Variants in CACHD1 observed in about 807,000 individuals in gnomAD.
CACHD1 encodes VWFA and cache domain-containing protein 1.
CACHD1 carries 71 observed loss-of-function variants against 138.7 expected under a neutral mutation model. That is an observed-to-expected ratio of 0.51 (90% CI 0.42 to 0.62). The LOEUF (loss-of-function observed/expected upper bound fraction) is 0.62, where lower values mean the gene tolerates loss of function less well. CACHD1 is among the 20% of genes least tolerant of loss of function. The pLI is 0.00. For missense variants in CACHD1, 1,389 were observed against 1,625.3 expected (o/e 0.85, Z 2.50); for synonymous variants, 578 against 591.5 (o/e 0.98, Z 0.33).
At chr1:64,659,184 G>A (rs1649361605) in intron 13 of CACHD1, among the ~76,000 whole-genome samples, 1 of 152,158 alleles carries the variant, frequency 6.6e-6, no homozygotes, top group Non-Finnish European at 1.5e-5. Flanking sequence ...TTTAAGTTCA[G>A]CCTGGTCTTC....
intron 2 of CACHD1, among the ~76,000 whole-genome samples, chr1:64,567,854 G>T (rs1405893826): frequency 1.3e-5 from 2 of 152,204 alleles, no homozygotes; most frequent in African/African-American, 4.8e-5. Context: ...GCTGCTAAAT[G>T]AGGAAAAGCA....
intron 1 of CACHD1, among the ~76,000 whole-genome samples, chr1:64,495,645 G>C (rs1038993910): frequency 3.3e-5 from 5 of 152,034 alleles, no homozygotes; most frequent in Non-Finnish European, 5.9e-5. Context: ...TGGGCAGAAA[G>C]AGAGCAATAC....
chr1:64,531,666 T>A (rs908647605), intron 1 of CACHD1, among the ~76,000 whole-genome samples: 2 of 152,210 alleles, frequency 1.3e-5, no homozygotes, highest in Non-Finnish European at 2.9e-5. Context: ...TACAGATGTG[T>A]TTAGACTGAT....
chr1:64,579,639 C>G (rs1351611121), intron 2 of CACHD1, among the ~76,000 whole-genome samples: 1 of 151,922 alleles, frequency 6.6e-6, no homozygotes, highest in Non-Finnish European at 1.5e-5. Flanking sequence ...ATGGAGCTTC[C>G]AGAAATACAT....
chr1:64,637,490 A>C (rs1648565586), intron 7 of CACHD1, among the ~76,000 whole-genome samples: 1 of 152,184 alleles, frequency 6.6e-6, no homozygotes, highest in East Asian at 1.9e-4. Context: ...CAGCTTTAAA[A>C]CTGTGAATAG....
intron 2 of CACHD1, among the ~76,000 whole-genome samples, chr1:64,555,155 A>T (rs550953569): frequency 6.6e-6 from 1 of 151,894 alleles, no homozygotes; most frequent in East Asian, 1.9e-4. Context: ...TGCCCAGTTC[A>T]TTTTTGTATT....
At chr1:64,571,563 A>G (rs1210961440) in intron 2 of CACHD1, among the ~76,000 whole-genome samples, 1 of 152,216 alleles carries the variant, frequency 6.6e-6, no homozygotes. Flanking sequence ...GTACTTGGCC[A>G]GTGTGAGGGT....
At chr1:64,607,960 T>G (rs1647391342) in intron 4 of CACHD1, among the ~76,000 whole-genome samples, 1 of 152,192 alleles carries the variant, frequency 6.6e-6, no homozygotes, top group African/African-American at 2.4e-5. Context: ...TGCTGATGTA[T>G]TTCAGTGTTT....
At chr1:64,476,213 G>A (rs1022275162) in intron 1 of CACHD1, among the ~76,000 whole-genome samples, 6 of 152,178 alleles carry the variant, frequency 3.9e-5, no homozygotes, top group East Asian at 1.9e-4. Context: ...AAGGTAGCTC[G>A]TGTATCTTGA....
At chr1:64,636,618 C>T (rs988632630) in intron 7 of CACHD1, among the ~76,000 whole-genome samples, 10 of 152,150 alleles carry the variant, frequency 6.6e-5, no homozygotes, top group African/African-American at 2.4e-4. Context: ...AAACTCATTT[C>T]ATTTACTTCT....
intron 2 of CACHD1, among the ~76,000 whole-genome samples, chr1:64,562,345 C>T (rs1360353590): frequency 6.3e-5 from 3 of 47,684 alleles, no homozygotes; most frequent in Non-Finnish European, 1.6e-4. Flanking sequence ...TTTTTCTTCT[C>T]TTTTTAAATT....
chr1:64,663,730 TC>T lies in CACHD1; in HGVS notation c.1989del (p.Ser664ProfsTer15). 2.5e-6 allele frequency: 4 copies of T among 1,614,030 alleles called. No homozygotes were observed. Among genetic ancestry groups the T allele is most frequent in the Non-Finnish European group, 3.4e-6 (4 of 1,179,992 alleles). ...PTIMLSAGSFSSPYEHLSQPE... is the reference protein window; with the variant it reads ...PTIMLSAGSFXSPYEHLSQPE... ...CATCATGCTGTCTGCTGGCAGCTTT[TC>T]CTCCCCCTATGAGCACCTCAGCCAG... On this transcript the variant is annotated frameshift_variant, in exon 14 of 27. Transcript: ENST00000651257. LOFTEE classifies it high-confidence loss of function.
intron 7 of CACHD1, among the ~76,000 whole-genome samples, chr1:64,638,289 G>T (rs1461305594): frequency 2.0e-5 from 3 of 152,134 alleles, no homozygotes; most frequent in South Asian, 2.1e-4. Flanking sequence ...GCTGTTTTAG[G>T]TGCCACATGT....
intron 15 of CACHD1, 64 bp downstream of exon 15, chr1:64,664,743 A>G: frequency 6.8e-7 from 1 of 1,466,806 alleles, no homozygotes; most frequent in Non-Finnish European, 9.3e-7. Context: ...CATGGTAAGT[A>G]CATACAATAA....
intron 2 of CACHD1, among the ~76,000 whole-genome samples, chr1:64,562,557 G>A (rs1007154289): frequency 6.8e-6 from 1 of 147,426 alleles, no homozygotes; most frequent in Non-Finnish European, 1.5e-5. Context: ...TTACAGGCAT[G>A]TGCCACCACA....
chr1:64,642,508 T>G (rs901534023), intron 8 of CACHD1, among the ~76,000 whole-genome samples: 2 of 152,190 alleles, frequency 1.3e-5, no homozygotes, highest in African/African-American at 2.4e-5. Flanking sequence ...AGTAAACAAC[T>G]TATTAAAATG....
chr1:64,686,435 T>C (rs1001588767), intron 26 of CACHD1, among the ~76,000 whole-genome samples: 1 of 152,230 alleles, frequency 6.6e-6, no homozygotes, highest in African/African-American at 2.4e-5. Context: ...TAATTTTAAT[T>C]GTTGTATCTT....
At chr1:64,576,073 G>C (rs1646964821) in intron 2 of CACHD1, among the ~76,000 whole-genome samples, 1 of 152,196 alleles carries the variant, frequency 6.6e-6, no homozygotes, top group Non-Finnish European at 1.5e-5. Flanking sequence ...GTGGCTGGAT[G>C]TTGGCTAGCC....
In CACHD1 at chr1:64,635,181, A is replaced by G. The variant is rs74913832; in HGVS notation, c.1006+921A>G. 5.6e-3 allele frequency among the ~76,000 whole-genome samples: 853 copies of G among 151,802 alleles called. 6 individuals carry two copies. The highest frequency in any genetic ancestry group is 0.02 in the African/African-American group (819 of 41,368). On this transcript the variant is annotated intron_variant, in intron 7 of 26. Transcript: ENST00000651257. ...CTTTATTTAGATCATGTCTGCACTT[A>G]TGTCCCAAGGGAATCTCCACATCCT...
Sources: allele counts gnomAD v4.1 joint callset (sites outside exome capture counted in the v4.1 genomes callset), GRCh38; gene constraint gnomAD v4.1.1; transcripts MANE v1.5; gene names NCBI Gene and HGNC (gene_info 2026-07-23, HGNC 2026-07-21).